Variants in RASSF8 observed in about 807,000 individuals in gnomAD.
The protein encoded by RASSF8 is Ras association domain family member 8.
Under a neutral mutation model 48.5 loss-of-function variants are expected in RASSF8, and 22 were observed. That is an observed-to-expected ratio of 0.45 (90% CI 0.32 to 0.65). RASSF8 has a LOEUF of 0.65. RASSF8 is among the 30% of genes least tolerant of loss of function. The pLI is 0.03. For missense variants in RASSF8, 418 were observed against 489.2 expected, an observed-to-expected ratio of 0.85 and a Z score of 1.37; for synonymous variants, 127 against 171.5, an observed-to-expected ratio of 0.74 and a Z score of 2.03.
intron 1 of RASSF8, among the ~76,000 whole-genome samples, chr12:25,993,446 A>G (rs538481413): frequency 1.3e-5 from 2 of 152,336 alleles, no homozygotes; most frequent in South Asian, 2.1e-4. Flanking sequence ...ATGAGGCTTT[A>G]CTGAAGAAAA....
chr12:26,062,696 AAAATAAAT>A (rs140046765), intron 3 of RASSF8, among the ~76,000 whole-genome samples: 1 of 152,108 alleles, frequency 6.6e-6, no homozygotes, highest in Non-Finnish European at 1.5e-5. Context: ...GGGAGGGGAA[AAAATAAAT>A]AAATAAATAA....
intron 1 of RASSF8, among the ~76,000 whole-genome samples, chr12:25,976,128 AC>A (rs891971039): frequency 1.3e-5 from 2 of 152,126 alleles, no homozygotes; most frequent in African/African-American, 4.8e-5. Flanking sequence ...GAGGCAGGGA[AC>A]CTAAGGCTGT....
chr12:26,045,973 A>AT (rs1432882346), intron 2 of RASSF8, among the ~76,000 whole-genome samples: 1 of 152,116 alleles, frequency 6.6e-6, no homozygotes, highest in Non-Finnish European at 1.5e-5. Context: ...AAGAAAAGTG[A>AT]TTCTATTTTT....
intron 1 of RASSF8, among the ~76,000 whole-genome samples, chr12:25,994,079 C>G (rs1942075307): frequency 6.6e-6 from 1 of 152,176 alleles, no homozygotes; most frequent in African/African-American, 2.4e-5. Flanking sequence ...TTTGGACTAA[C>G]TTTCCCCTTC....
At chr12:26,034,421 AAT>A (rs1491100214) in intron 2 of RASSF8, among the ~76,000 whole-genome samples, 2 of 151,144 alleles carry the variant, frequency 1.3e-5, no homozygotes, top group East Asian at 2.0e-4. Flanking sequence ...AAAAAAAAAA[AAT>A]CTCATGATGT....
At chr12:26,023,321 A>G (rs199583801) in intron 2 of RASSF8, among the ~76,000 whole-genome samples, 5 of 152,210 alleles carry the variant, frequency 3.3e-5, no homozygotes, top group East Asian at 1.9e-4. Flanking sequence ...TCCAAGTAAG[A>G]TAAACACAAA....
At chr12:25,969,824 T>C (rs1022645748) in intron 1 of RASSF8, among the ~76,000 whole-genome samples, 4 of 152,114 alleles carry the variant, frequency 2.6e-5, no homozygotes, top group African/African-American at 7.2e-5. Flanking sequence ...TGGTATTTAG[T>C]GGCCAGGGGC....
At chr12:25,986,926 T>TGTTG (rs57041013) in intron 1 of RASSF8, among the ~76,000 whole-genome samples, 3 of 146,612 alleles carry the variant, frequency 2.0e-5, no homozygotes, top group African/African-American at 7.6e-5. Flanking sequence ...CGTTTTTTTT[T>TGTTG]TTTGTTTGTT....
At position 26,068,899 on chromosome 12, in the gene RASSF8, C is replaced by G; in HGVS notation, c.*81C>G. The stretch of plus-strand genomic sequence containing the variant: ...CTTTTTGATTTGTGCCAATGATGAA[C>G]AGAGGATCTATTCCACAAGACGCTG... On this transcript the variant is annotated 3_prime_UTR_variant, in exon 6 of 6. Transcript: ENST00000689635. 2 of 1,507,672 alleles carry G rather than the reference C, an allele frequency of 1.3e-6. No individual in the cohort carries two copies. The highest frequency in any genetic ancestry group is 8.8e-7 in the Non-Finnish European group (1 of 1,131,892). 93.4% of individuals were successfully genotyped at this position (1,507,672 alleles called of 1,614,324 possible).
At chr12:26,013,384 A>T (rs1232253941) in intron 2 of RASSF8, among the ~76,000 whole-genome samples, 1 of 152,242 alleles carries the variant, frequency 6.6e-6, no homozygotes, top group East Asian at 1.9e-4. Context: ...ATATCCTTAT[A>T]GATGAAGAAA....
At position 26,071,353 on chromosome 12, in the gene RASSF8, T is replaced by C; in HGVS notation, c.*2535T>C. 1 of 965,598 alleles carries C rather than the reference T, an allele frequency of 1.0e-6. No homozygotes were observed. Among genetic ancestry groups the C allele is most frequent in the Non-Finnish European group, 1.2e-6 (1 of 811,970 alleles). 59.8% of individuals were successfully genotyped at this position (965,598 alleles called of 1,614,324 possible). On this transcript the variant is annotated 3_prime_UTR_variant, in exon 6 of 6. Coordinates refer to ENST00000689635, the MANE Select transcript of RASSF8 (RefSeq NM_001394098.1). ...AAATACCAAATATAAAATTTTCATCTGGGGGAATGTTCAGGTTCTAAATAC... is the reference window on the plus strand; with the variant it reads ...AAATACCAAATATAAAATTTTCATCCGGGGGAATGTTCAGGTTCTAAATAC...
chr12:25,975,066 G>A (rs892417039), intron 1 of RASSF8, among the ~76,000 whole-genome samples: 1 of 152,204 alleles, frequency 6.6e-6, no homozygotes, highest in Non-Finnish European at 1.5e-5. Context: ...TTGGGAGTGA[G>A]TGCTTCTGGA....
chr12:25,975,032 G>C (rs1321277923), intron 1 of RASSF8, among the ~76,000 whole-genome samples: 1 of 152,198 alleles, frequency 6.6e-6, no homozygotes, highest in Non-Finnish European at 1.5e-5. Context: ...GGATAAAATA[G>C]AGATGTGGGT....
chr12:25,962,363 C>T (rs1212260834), intron 1 of RASSF8, among the ~76,000 whole-genome samples: 3 of 152,178 alleles, frequency 2.0e-5, no homozygotes, highest in Admixed American at 6.5e-5. Flanking sequence ...CCACCCTTAT[C>T]GTCATGCGAA....
intron 4 of RASSF8, among the ~76,000 whole-genome samples, chr12:26,066,404 A>G (rs1455777542): frequency 6.6e-6 from 1 of 152,202 alleles, no homozygotes; most frequent in African/African-American, 2.4e-5. Context: ...TTCCACAATC[A>G]GAGAAAGCTG....
intron 1 of RASSF8, among the ~76,000 whole-genome samples, chr12:25,991,209 G>A (rs1942006384): frequency 6.6e-6 from 1 of 151,890 alleles, no homozygotes; most frequent in South Asian, 2.1e-4. Context: ...AAAAAAGGTA[G>A]AGCCTCTTGG....
chr12:26,079,070 T>C (rs1358346527), exon 6 of RASSF8: 5 of 1,544,648 alleles, frequency 3.2e-6, no homozygotes, highest in Middle Eastern at 3.4e-4. Flanking sequence ...AGTGTAAAGA[T>C]TAGATATCAC....
At chr12:25,999,492 A>C (rs1054070691) in intron 2 of RASSF8, among the ~76,000 whole-genome samples, 3 of 152,154 alleles carry the variant, frequency 2.0e-5, no homozygotes, top group Non-Finnish European at 4.4e-5. Context: ...TCACAACTGT[A>C]ATCCCAGCAT....
rs1177739297 is a variant in RASSF8 at position 26,070,599 on chromosome 12, AC to A, written c.*1783del. On this transcript the variant is annotated 3_prime_UTR_variant, in exon 6 of 6. Transcript: ENST00000689635. ...AATTTATAGTAGTTATTTTCTATCT[AC>A]CTATATTTAAAATTAGGATGATTAA... The A allele has an allele frequency of 2.5e-5, 24 of 962,242 alleles. No homozygotes were observed. The highest frequency in any genetic ancestry group is 2.7e-5 in the Non-Finnish European group (22 of 808,936). The allele number at this position is 962,242 out of a possible 1,614,324, so 59.6% of individuals were successfully genotyped here. A position where few individuals can be genotyped will look rare whatever the true frequency, so the allele number is the denominator to read the frequency against.
Sources: allele counts gnomAD v4.1 joint callset (sites outside exome capture counted in the v4.1 genomes callset), GRCh38; gene constraint gnomAD v4.1.1; transcripts MANE v1.5; gene names NCBI Gene and HGNC (gene_info 2026-07-23, HGNC 2026-07-21).